NDE1: variants seen among roughly 807,000 people sequenced by gnomAD.
NDE1 encodes the protein nudE neurodevelopment protein 1, also known as nuclear distribution protein nudE homolog 1.
A neutral mutation model predicts 43.4 loss-of-function variants in NDE1; 28 were observed. That is an observed-to-expected ratio of 0.65 (90% CI 0.48 to 0.89). The LOEUF (loss-of-function observed/expected upper bound fraction) is 0.89. NDE1 is among the 40% of genes least tolerant of loss of function. The pLI is 0.00. For synonymous variants in NDE1, 184 were observed against 172.0 expected (o/e 1.07, Z -0.55); for missense variants, 441 against 434.1 (o/e 1.02, Z -0.14).
intron 8 of NDE1, chr16:15,699,853 T>C (rs1313472480): frequency 2.8e-5 from 37 of 1,343,024 alleles, no homozygotes; most frequent in Non-Finnish European, 3.6e-5. Context: ...GTCTTGGTGT[T>C]GGTGCGGAAG....
intron 4 of NDE1, chr16:15,687,160 T>G (rs2038478103): frequency 6.8e-7 from 1 of 1,461,466 alleles, no homozygotes; most frequent in African/African-American, 1.4e-5. Flanking sequence ...CATGACAGCC[T>G]CGTGCACCCC....
chr16:15,685,397 G>A (rs1181789418), intron 4 of NDE1, among the ~76,000 whole-genome samples: 1 of 152,044 alleles, frequency 6.6e-6, no homozygotes, highest in African/African-American at 2.4e-5. Context: ...GGGACTACAG[G>A]CACGCATCAT....
At chr16:15,707,959 C>CAA (rs59081092) in intron 8 of NDE1, among the ~76,000 whole-genome samples, 6 of 115,944 alleles carry the variant, frequency 5.2e-5, no homozygotes, top group South Asian at 2.9e-4. Flanking sequence ...GACTCCGTCT[C>CAA]AAAAAAAAAA....
At chr16:15,695,821 C>T (rs2038983512) in intron 7 of NDE1, 1 of 565,790 alleles carries the variant, frequency 1.8e-6, no homozygotes, top group Non-Finnish European at 2.2e-6. Context: ...TATAGAGAAG[C>T]CTGGGGTGCT....
Position 15,694,902 on chromosome 16 carries a change from G to T in NDE1, c.795+646G>T, listed in dbSNP as rs191071642. 3.3e-5 allele frequency: 33 copies of T among 985,274 alleles called. No individual in the cohort carries two copies. The Admixed American group carries it at 8.6e-4, about 26-fold the overall frequency. 61.0% of individuals were successfully genotyped at this position (985,274 alleles called of 1,614,324 possible). A position where few individuals can be genotyped will look rare whatever the true frequency, so the allele number is the denominator to read the frequency against. The stretch of plus-strand genomic sequence containing the variant: ...GGAAACTGCCTTCTCTTTTGGCCGG[G>T]TGCTCATACCTGTAATCCCAGTGCT... On this transcript the variant is annotated intron_variant, in intron 7 of 8. Transcript: ENST00000396354.
chr16:15,654,461 C>T (rs1412194403), intron 1 of NDE1, among the ~76,000 whole-genome samples: 2 of 151,478 alleles, frequency 1.3e-5, no homozygotes, highest in African/African-American at 4.9e-5. Flanking sequence ...ATTAGCCAGT[C>T]GTGGTGGCAT....
chr16:15,657,680 C>T (rs12922087), intron 1 of NDE1, among the ~76,000 whole-genome samples: 2,949 of 152,226 alleles, frequency 0.019, 77 homozygotes, highest in African/African-American at 0.055. Context: ...CTGCAGCCTC[C>T]GCTTCTCAGG....
chr16:15,723,457 G>A (rs914183384), intron 8 of NDE1, among the ~76,000 whole-genome samples: 14 of 152,228 alleles, frequency 9.2e-5, no homozygotes, highest in Middle Eastern at 3.4e-3. Context: ...GACCAGCCTG[G>A]ACAACATGGC....
At chr16:15,645,120 A>G (rs933469301) in intron 1 of NDE1, among the ~76,000 whole-genome samples, 18 of 151,996 alleles carry the variant, frequency 1.2e-4, no homozygotes, top group Non-Finnish European at 1.0e-4. Flanking sequence ...GGATATTGCC[A>G]TGTTGGCCAG....
In NDE1 at chr16:15,723,389, A is replaced by G. The variant is rs544760340; in HGVS notation, c.948-802A>G. On this transcript the variant is annotated intron_variant, in intron 8 of 8. Transcript: ENST00000396354. ...GGGCCGGGCATAGTGGCTCATACCTATAATCCCAGCACTTTGGGAGGCCAA... is the reference window on the plus strand; with the variant it reads ...GGGCCGGGCATAGTGGCTCATACCTGTAATCCCAGCACTTTGGGAGGCCAA... Among the ~76,000 whole-genome samples the G allele has an allele frequency of 4.6e-5, 7 of 152,284 alleles. No individual in the cohort carries two copies. In the East Asian group the frequency reaches 9.7e-4, roughly 21 times the overall value.
intron 1 of NDE1, among the ~76,000 whole-genome samples, chr16:15,655,684 G>A (rs1482113874): frequency 6.6e-6 from 1 of 152,026 alleles, no homozygotes; most frequent in African/African-American, 2.4e-5. Context: ...GCACACGTAT[G>A]TTTATTGCGG....
At chr16:15,666,427 T>C (rs927256254) in intron 2 of NDE1, among the ~76,000 whole-genome samples, 5 of 152,018 alleles carry the variant, frequency 3.3e-5, no homozygotes, top group African/African-American at 1.2e-4. Context: ...TCTAGCAACA[T>C]GGCAAAACCC....
intron 5 of NDE1, among the ~76,000 whole-genome samples, chr16:15,688,814 C>T (rs1042387945): frequency 3.4e-5 from 5 of 147,442 alleles, no homozygotes; most frequent in African/African-American, 1.0e-4. Context: ...TCCCCTGCTT[C>T]AGCCTCCTGA....
intron 3 of NDE1, among the ~76,000 whole-genome samples, chr16:15,668,604 A>G (rs1316215662): frequency 1.3e-5 from 2 of 152,180 alleles, no homozygotes; most frequent in Non-Finnish European, 2.9e-5. Context: ...CTAGAGTAAT[A>G]TCATCAGGTC....
chr16:15,703,955 G>A (rs763873926), intron 8 of NDE1: 1 of 1,613,450 alleles, frequency 6.2e-7, no homozygotes, highest in Admixed American at 1.7e-5. Flanking sequence ...TTGGTTTTTG[G>A]TTTTCTTGCC....
chr16:15,707,063 G>C (rs1449683306), intron 8 of NDE1, among the ~76,000 whole-genome samples: 4 of 151,894 alleles, frequency 2.6e-5, no homozygotes, highest in African/African-American at 9.7e-5. Context: ...TTTTGAAATA[G>C]AGTCTCGCTG....
chr16:15,694,228 T>A lies in NDE1; in HGVS notation c.767T>A (p.Ile256Asn), dbSNP rs1187059210. ...TPAARISALN[I>N]VGDLLRKVGA... ...GCGGCCCGGATATCAGCCCTCAACA[T>A]TGTGGGAGACCTACTGCGGAAAGTC... is the stretch of plus-strand genomic sequence containing the variant. Residue 256 changes from isoleucine to asparagine, a missense_variant, in exon 7 of 9, where the codon ATT (isoleucine) becomes AAT (asparagine). By Grantham distance (149) the Ile-to-Asn change is moderately radical. Transcript: ENST00000396354. 3 of 1,613,678 alleles carry A rather than the reference T, an allele frequency of 1.9e-6. No homozygotes were observed. The highest frequency in any genetic ancestry group is 1.1e-5 in the South Asian group (1 of 91,050).
intron 8 of NDE1, chr16:15,712,881 A>ATTTTTTTTTTTTTTTTTTTTTTTTTTTTT (rs1567680172): frequency 3.0e-5 from 2 of 65,914 alleles, no homozygotes; most frequent in East Asian, 1.6e-3. Context: ...CTTCACATAC[A>ATTTTTTTTTTTTTTTTTTTTTTTTTTTTT]GTTTTTTTTT....
At chr16:15,709,829 T>G (rs2039677279) in intron 8 of NDE1, among the ~76,000 whole-genome samples, 2 of 152,174 alleles carry the variant, frequency 1.3e-5, no homozygotes, top group African/African-American at 4.8e-5. Context: ...TCATTAGCTT[T>G]CGGGCCTCTA....
Sources: gnomAD v4.1 joint callset for allele counts (sites outside exome capture counted in the v4.1 genomes callset) on GRCh38, gnomAD v4.1.1 for gene constraint, MANE v1.5 for transcripts, NCBI Gene and HGNC (gene_info 2026-07-23, HGNC 2026-07-21) for gene names.